Variants in DIAPH3 observed in about 807,000 individuals in gnomAD.
DIAPH3 encodes diaphanous related formin 3.
DIAPH3 carries 117 observed loss-of-function variants against 144.3 expected under a neutral mutation model. The observed-to-expected ratio is 0.81, with a 90% CI of 0.70 to 0.95. The LOEUF is 0.95. DIAPH3 is among the 40% of genes least tolerant of loss of function. The probability of loss-of-function intolerance (pLI) is 0.00; values close to 1 mark genes in which losing one functional copy is unlikely to be tolerated. For synonymous variants in DIAPH3, 519 were observed against 488.9 expected (o/e 1.06, Z -0.81); for missense variants, 1,421 against 1,412.7 (o/e 1.01, Z -0.09).
At chr13:59,809,268 G>A (rs2040346709) in intron 25 of DIAPH3, among the ~76,000 whole-genome samples, 2 of 152,252 alleles carry the variant, frequency 1.3e-5, no homozygotes, top group South Asian at 4.1e-4. Flanking sequence ...TTGGGAGGCT[G>A]AGGTGGGTGG....
At chr13:60,075,345 T>C (rs2057345686) in intron 4 of DIAPH3, among the ~76,000 whole-genome samples, 1 of 152,212 alleles carries the variant, frequency 6.6e-6, no homozygotes, top group East Asian at 1.9e-4. Context: ...AAACGTTTTC[T>C]TCCAGCTTTT....
chr13:59,882,923 A>C (rs760639176), intron 20 of DIAPH3, among the ~76,000 whole-genome samples: 19 of 152,018 alleles, frequency 1.2e-4, no homozygotes, highest in Non-Finnish European at 2.5e-4. Flanking sequence ...TAACCCCCCC[A>C]CACACAGATG....
At chr13:60,145,474 C>T (rs918748300) in intron 1 of DIAPH3, among the ~76,000 whole-genome samples, 2 of 152,060 alleles carry the variant, frequency 1.3e-5, no homozygotes, top group Admixed American at 1.3e-4. Context: ...AGTGAAACCC[C>T]GTCTCTACTA....
At chr13:59,864,997 T>G (rs2043830321) in intron 21 of DIAPH3, among the ~76,000 whole-genome samples, 2 of 152,042 alleles carry the variant, frequency 1.3e-5, no homozygotes, top group South Asian at 2.1e-4. Flanking sequence ...AGAAGCATGT[T>G]GTTGATCATG....
At chr13:59,882,612 T>C (rs1160895270) in intron 20 of DIAPH3, among the ~76,000 whole-genome samples, 1 of 152,122 alleles carries the variant, frequency 6.6e-6, no homozygotes, top group Non-Finnish European at 1.5e-5. Flanking sequence ...AGAAATGAAC[T>C]ATGGTGCTCA....
chr13:59,707,689 G>T (rs2034506309), intron 27 of DIAPH3, among the ~76,000 whole-genome samples: 1 of 152,102 alleles, frequency 6.6e-6, no homozygotes, highest in African/African-American at 2.4e-5. Context: ...TGCAAGAGAA[G>T]AAATGAAAAT....
intron 21 of DIAPH3, among the ~76,000 whole-genome samples, chr13:59,862,707 G>T (rs2043670003): frequency 6.6e-6 from 1 of 152,124 alleles, no homozygotes; most frequent in Non-Finnish European, 1.5e-5. Context: ...GTATAGAACA[G>T]TGCTTTCATT....
At chr13:59,901,445 C>T (rs1012004373) in intron 20 of DIAPH3, among the ~76,000 whole-genome samples, 1 of 152,162 alleles carries the variant, frequency 6.6e-6, no homozygotes, top group Non-Finnish European at 1.5e-5. Context: ...CCGGCTTCTG[C>T]TCAACTCTTA....
At chr13:60,050,971 G>T in intron 4 of DIAPH3, among the ~76,000 whole-genome samples, 1 of 152,154 alleles carries the variant, frequency 6.6e-6, no homozygotes, top group Non-Finnish European at 1.5e-5. Flanking sequence ...TGGTAGTTTA[G>T]ATATAAGAAT....
At chr13:59,843,430 G>A (rs2042451452) in intron 22 of DIAPH3, among the ~76,000 whole-genome samples, 2 of 152,146 alleles carry the variant, frequency 1.3e-5, no homozygotes, top group African/African-American at 4.8e-5. Context: ...TAGTCCACTG[G>A]ATAAAAGGCC....
chr13:60,038,743 A>C (rs12585272), intron 5 of DIAPH3, among the ~76,000 whole-genome samples: 9,604 of 152,206 alleles, frequency 0.063, 460 homozygotes, highest in East Asian at 0.28. Context: ...AAAATTTCAA[A>C]ACACAAAAAC....
At chr13:60,050,235 A>G (rs1356795540) in intron 4 of DIAPH3, among the ~76,000 whole-genome samples, 1 of 152,186 alleles carries the variant, frequency 6.6e-6, no homozygotes, top group Non-Finnish European at 1.5e-5. Flanking sequence ...TCACTTGTGC[A>G]GAGACCAGAA....
At chr13:60,162,807 TCTCA>T (rs1308218016) in intron 1 of DIAPH3, among the ~76,000 whole-genome samples, 223 of 128,010 alleles carry the variant, frequency 1.7e-3, no homozygotes, top group East Asian at 3.5e-3. Context: ...TCTCTCTCTC[TCTCA>T]CACACACACA....
intron 20 of DIAPH3, among the ~76,000 whole-genome samples, chr13:59,903,704 T>C (rs1837064131): frequency 6.6e-6 from 1 of 152,144 alleles, no homozygotes; most frequent in African/African-American, 2.4e-5. Context: ...AGAAATCATC[T>C]ACAGATTCAT....
chr13:59,671,100 T>C (rs1254479662), intron 27 of DIAPH3, among the ~76,000 whole-genome samples: 1 of 152,248 alleles, frequency 6.6e-6, no homozygotes, highest in African/African-American at 2.4e-5. Context: ...TGGCTTTGTG[T>C]GGGCTGGAGA....
intron 25 of DIAPH3, among the ~76,000 whole-genome samples, chr13:59,803,536 C>G (rs1323199673): frequency 6.6e-6 from 1 of 151,720 alleles, no homozygotes; most frequent in Non-Finnish European, 1.5e-5. Context: ...AAATGCTTAA[C>G]AAGAGTGGCA....
intron 1 of DIAPH3, among the ~76,000 whole-genome samples, chr13:60,153,147 C>T (rs1400256301): frequency 6.6e-6 from 1 of 152,004 alleles, no homozygotes; most frequent in African/African-American, 2.4e-5. Flanking sequence ...GGCCAAGCAA[C>T]ATCATGACAC....
At chr13:60,151,928 T>C (rs1951806613) in intron 1 of DIAPH3, among the ~76,000 whole-genome samples, 1 of 152,202 alleles carries the variant, frequency 6.6e-6, no homozygotes, top group South Asian at 2.1e-4. Flanking sequence ...AGAATTGTAA[T>C]TGTCATTATG....
intron 25 of DIAPH3, among the ~76,000 whole-genome samples, chr13:59,794,427 G>C (rs2039482090): frequency 6.6e-6 from 1 of 151,724 alleles, no homozygotes; most frequent in Non-Finnish European, 1.5e-5. Context: ...GTATCCCTAA[G>C]CACTGAGTTT....
Sources: allele counts gnomAD v4.1 joint callset (sites outside exome capture counted in the v4.1 genomes callset), GRCh38; gene constraint gnomAD v4.1.1; transcripts MANE v1.5; gene names NCBI Gene and HGNC (gene_info 2026-07-23, HGNC 2026-07-21).